TRAM1: variants seen among roughly 807,000 people sequenced by gnomAD.
TRAM1 encodes the protein translocation associated membrane protein 1, also known as translocating chain-associated membrane protein 1.
Under a neutral mutation model 48.7 loss-of-function variants are expected in TRAM1, and 17 were observed. The ratio of observed to expected loss-of-function variants is 0.35; its 90% CI spans 0.24 to 0.52. TRAM1 has a LOEUF of 0.52. Among genes scored for constraint, TRAM1 ranks in the 20% least tolerant of loss-of-function variants. The pLI, the probability that TRAM1 is intolerant of heterozygous loss-of-function variation, is 0.94. For synonymous variants in TRAM1, 182 were observed against 154.0 expected, an observed-to-expected ratio of 1.18 and a Z score of -1.34; for missense variants, 351 against 441.5, an observed-to-expected ratio of 0.79 and a Z score of 1.84.
rs1184767971 is a variant in TRAM1 at position 70,592,297 on chromosome 8, G to A, written c.570+2209C>T. ...CACCTCTTGAACTGCTACTAACAGC[G>A]TTCCTTTCTTTCCTATTTGTCTGTA... On this transcript the variant is annotated intron_variant, in intron 6 of 10. Coordinates refer to ENST00000262213, the MANE Select transcript of TRAM1 (RefSeq NM_014294.6). Among the ~76,000 whole-genome samples the A allele has an allele frequency of 3.9e-5, 6 of 152,096 alleles. No individual in the cohort carries two copies. The East Asian group carries it at 7.7e-4, about 20-fold the overall frequency.
At chr8:70,601,961 G>A (rs532061383) in intron 1 of TRAM1, among the ~76,000 whole-genome samples, 33 of 152,270 alleles carry the variant, frequency 2.2e-4, no homozygotes, top group African/African-American at 7.5e-4. Context: ...TATATGGAGA[G>A]TGCACAGTAT....
chr8:70,588,481 T>G (rs1817275999), intron 6 of TRAM1, among the ~76,000 whole-genome samples: 1 of 152,028 alleles, frequency 6.6e-6, no homozygotes. Flanking sequence ...TCCTAGCTAT[T>G]TGGGAAGCTG....
At chr8:70,602,460 A>G (rs1289635518) in intron 1 of TRAM1, among the ~76,000 whole-genome samples, 15 of 152,200 alleles carry the variant, frequency 9.9e-5, no homozygotes, top group Admixed American at 5.9e-4. Context: ...AATTGTAAGG[A>G]CTGAGTATTG....
Position 70,598,131 on chromosome 8 carries a change from T to C in TRAM1, c.309+3A>G, listed in dbSNP as rs1171035108. On this transcript the variant is annotated splice_donor_region_variant and intron_variant, in intron 3 of 10. Transcript: ENST00000262213. ...GTATAGATTTCTAAGACTGCATACT[T>C]ACATCCAACATATACTCTTGAATTA... 2 of 1,610,214 alleles carry C rather than the reference T, an allele frequency of 1.2e-6. No individual in the cohort carries two copies. The highest frequency in any genetic ancestry group is 1.7e-6 in the Non-Finnish European group (2 of 1,178,146).
intron 1 of TRAM1, among the ~76,000 whole-genome samples, chr8:70,604,152 AAG>A (rs1173870153): frequency 6.6e-6 from 1 of 152,242 alleles, no homozygotes; most frequent in Non-Finnish European, 1.5e-5. Context: ...AAAATGAAAA[AAG>A]AGACTTATTC....
At chr8:70,592,061 G>A (rs1164565388) in intron 6 of TRAM1, among the ~76,000 whole-genome samples, 2 of 152,122 alleles carry the variant, frequency 1.3e-5, no homozygotes, top group Non-Finnish European at 2.9e-5. Context: ...TTATAGGTAT[G>A]TATAATTATA....
chr8:70,594,110 G>A (rs1310132892), intron 6 of TRAM1, among the ~76,000 whole-genome samples: 1 of 152,036 alleles, frequency 6.6e-6, no homozygotes, highest in African/African-American at 2.4e-5. Context: ...CTTACACACA[G>A]AACTGTTAGT....
chr8:70,594,304 G>GA (rs1563387335), intron 6 of TRAM1, among the ~76,000 whole-genome samples: 1 of 83,996 alleles, frequency 1.2e-5, no homozygotes. Flanking sequence ...ACTGACTGAA[G>GA]GTTTTTTTTT....
intron 1 of TRAM1, chr8:70,607,291 C>G (rs1230635206): frequency 6.1e-6 from 6 of 985,410 alleles, no homozygotes; most frequent in Non-Finnish European, 7.2e-6. Flanking sequence ...TTCCCATCCT[C>G]TCCTACTTCA....
intron 10 of TRAM1, among the ~76,000 whole-genome samples, chr8:70,576,884 C>T (rs1169541169): frequency 1.3e-5 from 2 of 152,192 alleles, no homozygotes; most frequent in Non-Finnish European, 1.5e-5. Context: ...CTTGGAAGTG[C>T]CTGCTCCCAC....
At chr8:70,582,389 G>C (rs1420464749) in intron 10 of TRAM1, among the ~76,000 whole-genome samples, 1 of 150,930 alleles carries the variant, frequency 6.6e-6, no homozygotes, top group Non-Finnish European at 1.5e-5. Flanking sequence ...TGAACTCCTG[G>C]GTTCAAGTGA....
chr8:70,600,112 C>T, intron 1 of TRAM1, 30 bp from the exon 2 acceptor site: 3 of 1,579,116 alleles, frequency 1.9e-6, no homozygotes, highest in Non-Finnish European at 2.6e-6. Context: ...AAGATCAAGT[C>T]AATTTGTGAC....
intron 4 of TRAM1, among the ~76,000 whole-genome samples, chr8:70,597,118 A>G (rs888170116): frequency 2.6e-5 from 4 of 152,196 alleles, no homozygotes; most frequent in Admixed American, 2.0e-4. Context: ...GACAAACTCA[A>G]AAGTATGTAA....
chr8:70,596,409 C>T, intron 4 of TRAM1, 88 bp from the exon 5 acceptor site: 1 of 991,398 alleles, frequency 1.0e-6, no homozygotes, highest in Non-Finnish European at 1.5e-6. Context: ...CAAACATTTA[C>T]AGGTCCCATA....
chr8:70,591,294 A>C (rs1321501752), intron 6 of TRAM1, among the ~76,000 whole-genome samples: 1 of 152,128 alleles, frequency 6.6e-6, no homozygotes, highest in Non-Finnish European at 1.5e-5. Flanking sequence ...TAAAATGATA[A>C]ATTTTATCTA....
intron 6 of TRAM1, 153 bp downstream of exon 6, chr8:70,594,353 T>A (rs1563387383): frequency 8.7e-6 from 3 of 344,508 alleles, no homozygotes; most frequent in Non-Finnish European, 1.0e-5. Flanking sequence ...TTAGGCTTTG[T>A]GGAAAGAGGG....
At chr8:70,585,650 A>G (rs1274800109) in intron 8 of TRAM1, among the ~76,000 whole-genome samples, 14 of 140,076 alleles carry the variant, frequency 1.0e-4, no homozygotes, top group Non-Finnish European at 1.9e-4. Context: ...ATATTTATGC[A>G]GCCAAAAAAC....
intron 1 of TRAM1, among the ~76,000 whole-genome samples, chr8:70,601,045 C>T (rs767042016): frequency 1.3e-5 from 2 of 152,178 alleles, no homozygotes; most frequent in Non-Finnish European, 2.9e-5. Context: ...ATTTCACTTT[C>T]GCACAAGTGG....
chr8:70,590,219 T>G (rs1041175804), intron 6 of TRAM1, among the ~76,000 whole-genome samples: 1 of 151,976 alleles, frequency 6.6e-6, no homozygotes, highest in Non-Finnish European at 1.5e-5. Context: ...TTTTTTTAAT[T>G]TAAAAGAAAT....
Sources: gnomAD v4.1 joint callset for allele counts (sites outside exome capture counted in the v4.1 genomes callset) on GRCh38, gnomAD v4.1.1 for gene constraint, MANE v1.5 for transcripts, NCBI Gene and HGNC (gene_info 2026-07-23, HGNC 2026-07-21) for gene names.